Variants in PCDH15 observed in about 807,000 individuals in gnomAD.
PCDH15 encodes the protein protocadherin related 15.
A neutral mutation model predicts 178.5 loss-of-function variants in PCDH15; 129 were observed. That is an observed-to-expected ratio of 0.72 (90% confidence interval 0.63 to 0.84). PCDH15 has a LOEUF of 0.84. Among genes scored for constraint, PCDH15 ranks in the 40% least tolerant of loss-of-function variants. The pLI, the probability that PCDH15 is intolerant of heterozygous loss-of-function variation, is 0.00. For synonymous variants in PCDH15, 800 were observed against 732.0 expected (o/e 1.09, Z -1.50); for missense variants, 2,230 against 2,099.9 (o/e 1.06, Z -1.21).
chr10:54,146,458 A>G (rs117743733), intron 14 of PCDH15, among the ~76,000 whole-genome samples: 1,900 of 151,990 alleles, frequency 0.013, 19 homozygotes, highest in Non-Finnish European at 0.021. Context: ...TGAAGTAAAT[A>G]TTTACTTAAT....
At position 53,807,073 on chromosome 10, in the gene PCDH15, T is replaced by C. The variant is rs577744263; in HGVS notation, c.4729A>G (p.Thr1577Ala). The C allele has an allele frequency of 1.9e-6, 3 of 1,613,512 alleles. No individual in the cohort carries two copies. Among genetic ancestry groups the C allele is most frequent in the African/African-American group, 1.3e-5 (1 of 75,006 alleles). Residue 1577 changes from threonine (T) to alanine (A), a missense_variant, in exon 38 of 38, where the codon ACT (threonine) becomes GCT (alanine). Physicochemically the swap from Thr to Ala is moderately conservative, Grantham distance 58. Transcript: ENST00000644397. ...CATTCAGGAGCACTGTCTTCTCCAG[T>C]TGAGCTGGTTTCATACTCTCGATCA... ...VVDREYETSS[T>A]GEDSAPECQR...
At chr10:55,525,744 C>T (rs534158591) in intron 2 of PCDH15, among the ~76,000 whole-genome samples, 1 of 151,908 alleles carries the variant, frequency 6.6e-6, no homozygotes, top group African/African-American at 2.4e-5. Flanking sequence ...GAATATAGCA[C>T]GTTCTTTTAA....
At chr10:54,434,617 C>G (rs573520897) in intron 3 of PCDH15, among the ~76,000 whole-genome samples, 8 of 152,254 alleles carry the variant, frequency 5.3e-5, no homozygotes, top group African/African-American at 1.7e-4. Context: ...TAAGTAAGTA[C>G]AGCCAATCAT....
chr10:54,617,228 G>T (rs975413784), intron 2 of PCDH15, among the ~76,000 whole-genome samples: 10 of 151,846 alleles, frequency 6.6e-5, no homozygotes, highest in Non-Finnish European at 8.8e-5. Context: ...CATCACCAGG[G>T]TCCTAAGAAT....
At chr10:55,215,846 CTG>C (rs1840688111) in intron 1 of PCDH15, among the ~76,000 whole-genome samples, 1 of 151,928 alleles carries the variant, frequency 6.6e-6, no homozygotes, top group Admixed American at 6.6e-5. Context: ...AGCTGTTTTT[CTG>C]TGTCTCAGAG....
intron 1 of PCDH15, among the ~76,000 whole-genome samples, chr10:54,783,665 A>G (rs1185715140): frequency 6.6e-6 from 1 of 152,096 alleles, no homozygotes; most frequent in Non-Finnish European, 1.5e-5. Context: ...GATTCAACCC[A>G]GAGGGTTTTC....
At chr10:54,045,156 G>A (rs967806951) in intron 18 of PCDH15, among the ~76,000 whole-genome samples, 2 of 152,068 alleles carry the variant, frequency 1.3e-5, no homozygotes, top group East Asian at 1.9e-4. Context: ...TTCTTGATAA[G>A]AAGACTAGAT....
intron 2 of PCDH15, among the ~76,000 whole-genome samples, chr10:54,652,395 C>T (rs2094282749): frequency 6.6e-6 from 1 of 152,154 alleles, no homozygotes; most frequent in Non-Finnish European, 1.5e-5. Flanking sequence ...TCCTCCACAG[C>T]AGGTGGGGTC....
chr10:55,405,459 A>G (rs1167853248), intron 2 of PCDH15, among the ~76,000 whole-genome samples: 3 of 151,420 alleles, frequency 2.0e-5, no homozygotes, highest in African/African-American at 7.3e-5. Context: ...TTTCTAACTT[A>G]AATCATTTAT....
intron 2 of PCDH15, among the ~76,000 whole-genome samples, chr10:54,536,995 TC>T (rs1180674028): frequency 2.4e-5 from 3 of 126,726 alleles, no homozygotes; most frequent in African/African-American, 8.7e-5. Flanking sequence ...ACAATTTGTT[TC>T]CTTTTTTTTT....
chr10:53,874,395 T>C (rs905844672), intron 26 of PCDH15, among the ~76,000 whole-genome samples: 1 of 152,198 alleles, frequency 6.6e-6, no homozygotes, highest in African/African-American at 2.4e-5. Flanking sequence ...AAAACTTCTT[T>C]GAGAATCTAG....
intron 1 of PCDH15, among the ~76,000 whole-genome samples, chr10:54,739,166 A>G (rs1944472379): frequency 6.6e-6 from 1 of 152,026 alleles, no homozygotes; most frequent in Non-Finnish European, 1.5e-5. Flanking sequence ...TAAATATTGA[A>G]AAAAACCTAA....
intron 1 of PCDH15, among the ~76,000 whole-genome samples, chr10:54,683,319 C>G (rs994356151): frequency 6.6e-6 from 1 of 151,966 alleles, no homozygotes; most frequent in Non-Finnish European, 1.5e-5. Flanking sequence ...AACTGGAACT[C>G]TATCCATTAA....
At chr10:55,228,911 A>G (rs897352170) in intron 1 of PCDH15, among the ~76,000 whole-genome samples, 1 of 151,962 alleles carries the variant, frequency 6.6e-6, no homozygotes, top group Non-Finnish European at 1.5e-5. Flanking sequence ...TGTTAGTTTT[A>G]ATGATTAGCT....
chr10:54,263,544 C>A (rs1312782659), intron 8 of PCDH15, among the ~76,000 whole-genome samples: 1 of 152,098 alleles, frequency 6.6e-6, no homozygotes, highest in Non-Finnish European at 1.5e-5. Context: ...AATCTGTCTA[C>A]CAGATTGAAG....
rs1008407070 is a variant in PCDH15 at position 53,887,846 on chromosome 10, G to T, written c.3501+15397C>A. On this transcript the variant is annotated intron_variant, in intron 26 of 37. Transcript: ENST00000644397. ...GTAGCTTGCAGTGAGCCAAGATCGC[G>T]CCACCGCACTCCAGCCTGGGCGACA... Among the ~76,000 whole-genome samples, 4 of 152,100 alleles carry T rather than the reference G, an allele frequency of 2.6e-5. No homozygotes were observed. In the East Asian group the frequency reaches 7.8e-4, roughly 30 times the overall value.
At chr10:54,635,532 A>T (rs1183678404) in intron 2 of PCDH15, among the ~76,000 whole-genome samples, 1 of 151,912 alleles carries the variant, frequency 6.6e-6, no homozygotes, top group Non-Finnish European at 1.5e-5. Context: ...TAACTACTCT[A>T]AGTTGTTAAT....
chr10:54,788,289 G>A (rs1436589620), intron 1 of PCDH15, among the ~76,000 whole-genome samples: 1 of 151,852 alleles, frequency 6.6e-6, no homozygotes, highest in Non-Finnish European at 1.5e-5. Context: ...AAAATTAGAG[G>A]TTAGGAAGCA....
chr10:55,190,383 G>A (rs566087618), intron 1 of PCDH15, among the ~76,000 whole-genome samples: 2 of 151,704 alleles, frequency 1.3e-5, no homozygotes, highest in South Asian at 2.1e-4. Context: ...CCAGCAAATT[G>A]TCAAGGAAAA....
Sources: allele counts gnomAD v4.1 joint callset (sites outside exome capture counted in the v4.1 genomes callset), GRCh38; gene constraint gnomAD v4.1.1; transcripts MANE v1.5; gene names NCBI Gene and HGNC (gene_info 2026-07-23, HGNC 2026-07-21).